RFX3: variants seen among roughly 807,000 people sequenced by gnomAD.
RFX3 encodes the protein regulatory factor X3.
RFX3 carries 14 observed loss-of-function variants against 98.6 expected under a neutral mutation model. The ratio of observed to expected loss-of-function variants is 0.14; its 90% CI spans 0.09 to 0.22. The LOEUF (loss-of-function observed/expected upper bound fraction) is 0.22. RFX3 is among the 10% of genes least tolerant of loss of function. The pLI, the probability that RFX3 is intolerant of heterozygous loss-of-function variation, is 1.00. For synonymous variants in RFX3, 383 were observed against 328.4 expected, an observed-to-expected ratio of 1.17 and a Z score of -1.80; for missense variants, 639 against 926.9, an observed-to-expected ratio of 0.69 and a Z score of 4.03.
chr9:3,402,376 C>T (rs967693997), intron 1 of RFX3, among the ~76,000 whole-genome samples: 3 of 152,116 alleles, frequency 2.0e-5, no homozygotes, highest in African/African-American at 7.2e-5. Context: ...CTTCCTTTAT[C>T]CTTAGCATAG....
chr9:3,407,869 T>C (rs1324751326), intron 1 of RFX3, among the ~76,000 whole-genome samples: 1 of 152,196 alleles, frequency 6.6e-6, no homozygotes, highest in African/African-American at 2.4e-5. Context: ...TCAGAGTTTC[T>C]ACACTACCTC....
chr9:3,524,991 G>A (rs1306603530), intron 1 of RFX3, among the ~76,000 whole-genome samples: 1 of 151,926 alleles, frequency 6.6e-6, no homozygotes, highest in African/African-American at 2.4e-5. Flanking sequence ...GGGTGTGTGG[G>A]GGGGGGGAGA....
chr9:3,331,507 C>T (rs1832596950), intron 3 of RFX3, among the ~76,000 whole-genome samples: 1 of 152,112 alleles, frequency 6.6e-6, no homozygotes, highest in African/African-American at 2.4e-5. Flanking sequence ...CTATTATCTT[C>T]AACGCCACCT....
At chr9:3,337,282 G>A (rs373059084) in intron 3 of RFX3, among the ~76,000 whole-genome samples, 1 of 152,208 alleles carries the variant, frequency 6.6e-6, no homozygotes, top group African/African-American at 2.4e-5. Context: ...TCAGTGTAGT[G>A]AGGGCATTAT....
intron 3 of RFX3, among the ~76,000 whole-genome samples, chr9:3,345,678 T>C (rs1834373591): frequency 6.6e-6 from 1 of 152,162 alleles, no homozygotes; most frequent in Non-Finnish European, 1.5e-5. Context: ...TTGGTCACAA[T>C]TATAAAACGA....
In RFX3 at chr9:3,221,885, G is replaced by A. The variant is rs778992729; in HGVS notation, c.*3157C>T. 20 of 152,234 alleles carry A rather than the reference G, an allele frequency of 1.3e-4. No individual in the cohort carries two copies. Among genetic ancestry groups the A allele is most frequent in the Middle Eastern group, 3.4e-3 (1 of 294 alleles). 9.4% of individuals were successfully genotyped at this position (152,234 alleles called of 1,614,324 possible). On this transcript the variant is annotated 3_prime_UTR_variant, in exon 17 of 17. Coordinates refer to ENST00000617270, the MANE Select transcript of RFX3 (RefSeq NM_001282116.2). ...TTCCTCACTGAAAGTGTAGGACTTGGTTTATGTAGGTATATTTCATGACTA... is the reference window on the plus strand; with the variant it reads ...TTCCTCACTGAAAGTGTAGGACTTGATTTATGTAGGTATATTTCATGACTA...
At chr9:3,256,191 C>T (rs1258502694) in intron 14 of RFX3, among the ~76,000 whole-genome samples, 6 of 152,060 alleles carry the variant, frequency 3.9e-5, no homozygotes, top group South Asian at 2.1e-4. Context: ...AGGATGGTCT[C>T]GATCTCCTGA....
chr9:3,341,615 C>T (rs1030435530), intron 3 of RFX3, among the ~76,000 whole-genome samples: 4 of 152,044 alleles, frequency 2.6e-5, no homozygotes, highest in Admixed American at 2.6e-4. Flanking sequence ...TCATTAAATG[C>T]CAATTTTATT....
intron 1 of RFX3, among the ~76,000 whole-genome samples, chr9:3,465,781 T>C (rs183105693): frequency 1.3e-5 from 2 of 151,772 alleles, no homozygotes; most frequent in Admixed American, 6.6e-5. Flanking sequence ...AATAGAGCAG[T>C]GAGTGGTAAA....
In RFX3 at chr9:3,406,210, G is replaced by A. The variant is rs184521750; in HGVS notation, c.-8-10614C>T. Among the ~76,000 whole-genome samples the A allele has an allele frequency of 2.0e-3, 307 of 151,882 alleles. 1 individual carries two copies. The highest frequency in any genetic ancestry group is 7.1e-3 in the African/African-American group (294 of 41,404). Reference sequence around the variant, plus strand: ...AGTCCTGGACTCAAGTGATCCACCTGCCTCAGCCTCCCAAAATCCTGGGAT... The same window carrying A: ...AGTCCTGGACTCAAGTGATCCACCTACCTCAGCCTCCCAAAATCCTGGGAT... On this transcript the variant is annotated intron_variant, in intron 1 of 16. Coordinates refer to ENST00000617270, the MANE Select transcript of RFX3 (RefSeq NM_001282116.2).
rs766964455 is a variant in RFX3, at chr9:3,247,753, T to G, written c.1968+279A>C. 1.6e-5 allele frequency: 25 copies of G among 1,561,882 alleles called. No individual in the cohort carries two copies. The East Asian group carries it at 5.9e-4, about 37-fold the overall frequency. On this transcript the variant is annotated intron_variant, in intron 15 of 16. Coordinates refer to ENST00000617270, the MANE Select transcript of RFX3 (RefSeq NM_001282116.2). ...ACTTAAAATATTTTTCATATTCCAG[T>G]GGTTCTCAAGTTTTTCTTTTACATA...
At position 3,221,783 on chromosome 9, in the gene RFX3, C is replaced by A. The variant is rs993419462; in HGVS notation, c.*3259G>T. ...AACTATATGTCAAGATCAAACTATA[C>A]CCATGATACTCAATCCTATCATATG... On this transcript the variant is annotated 3_prime_UTR_variant, in exon 17 of 17. Transcript: ENST00000617270. 1 of 152,122 alleles carries A rather than the reference C, an allele frequency of 6.6e-6. No homozygotes were observed. The highest frequency in any genetic ancestry group is 1.5e-5 in the Non-Finnish European group (1 of 67,996). The allele number at this position is 152,122 out of a possible 1,614,324, so 9.4% of individuals were successfully genotyped here. A position where few individuals can be genotyped will look rare whatever the true frequency, so the allele number is the denominator to read the frequency against.
At chr9:3,273,725 C>T (rs1049182363) in intron 9 of RFX3, among the ~76,000 whole-genome samples, 5 of 151,770 alleles carry the variant, frequency 3.3e-5, no homozygotes, top group East Asian at 1.9e-4. Context: ...GTTAGTGGGG[C>T]GTGGTGGTGC....
intron 1 of RFX3, among the ~76,000 whole-genome samples, chr9:3,423,705 T>C (rs929476186): frequency 2.0e-5 from 3 of 149,640 alleles, no homozygotes; most frequent in African/African-American, 7.4e-5. Flanking sequence ...GGTGGTTACA[T>C]AGATATAAAT....
At chr9:3,234,340 A>C (rs1431887068) in intron 15 of RFX3, among the ~76,000 whole-genome samples, 3 of 152,148 alleles carry the variant, frequency 2.0e-5, no homozygotes, top group African/African-American at 7.2e-5. Context: ...AGCTCTAATA[A>C]AACTTTACAA....
intron 15 of RFX3, among the ~76,000 whole-genome samples, chr9:3,232,096 G>A (rs1398097819): frequency 6.6e-6 from 1 of 151,584 alleles, no homozygotes; most frequent in East Asian, 1.9e-4. Context: ...CAGAAGAGGA[G>A]GAAGCAGTAA....
At chr9:3,435,799 T>C (rs932914427) in intron 1 of RFX3, among the ~76,000 whole-genome samples, 2 of 131,040 alleles carry the variant, frequency 1.5e-5, no homozygotes, top group Non-Finnish European at 3.1e-5. Flanking sequence ...AGCATCTGCA[T>C]TGTAAAAAAA....
intron 2 of RFX3, among the ~76,000 whole-genome samples, chr9:3,357,584 C>G (rs1258943438): frequency 1.3e-5 from 2 of 151,708 alleles, no homozygotes; most frequent in African/African-American, 2.4e-5. Context: ...TCACCGGAGG[C>G]TGGGAAGGGA....
intron 2 of RFX3, among the ~76,000 whole-genome samples, chr9:3,359,477 A>G (rs905319168): frequency 3.9e-5 from 6 of 152,170 alleles, no homozygotes; most frequent in Non-Finnish European, 5.9e-5. Context: ...GTCCAGGAAG[A>G]GAACTGTGAC....
Sources: gnomAD v4.1 joint callset for allele counts (sites outside exome capture counted in the v4.1 genomes callset) on GRCh38, gnomAD v4.1.1 for gene constraint, MANE v1.5 for transcripts, NCBI Gene and HGNC (gene_info 2026-07-23, HGNC 2026-07-21) for gene names.